The following CNTN3 variants were observed in gnomAD, a reference collection of about 807,000 sequenced individuals.
CNTN3 encodes contactin 3, also known as contactin-3.
CNTN3 carries 60 observed loss-of-function variants against 119.1 expected under a neutral mutation model. The observed-to-expected ratio is 0.50, with a 90% CI of 0.41 to 0.62. CNTN3 has a LOEUF of 0.62. Among genes scored for constraint, CNTN3 ranks in the 20% least tolerant of loss-of-function variants. The probability of loss-of-function intolerance (pLI) is 0.00; values close to 1 mark genes in which losing one functional copy is unlikely to be tolerated. For missense variants in CNTN3, 1,101 were observed against 1,242.4 expected (o/e 0.89, Z 1.71); for synonymous variants, 450 against 438.7 (o/e 1.03, Z -0.32).
chr3:74,579,754 G>A (rs1304818094), intron 1 of CNTN3, among the ~76,000 whole-genome samples: 2 of 152,070 alleles, frequency 1.3e-5, no homozygotes, highest in East Asian at 3.9e-4. Context: ...TGTATTTGCA[G>A]TGGAAGCGTT....
intron 4 of CNTN3, among the ~76,000 whole-genome samples, chr3:74,467,423 A>G (rs1326479011): frequency 2.6e-5 from 4 of 152,162 alleles, no homozygotes; most frequent in Non-Finnish European, 5.9e-5. Context: ...ACAGGGTTTC[A>G]GGTATGGTTT....
At chr3:74,468,202 C>T (rs1702498361) in intron 4 of CNTN3, among the ~76,000 whole-genome samples, 1 of 152,076 alleles carries the variant, frequency 6.6e-6, no homozygotes, top group Admixed American at 6.6e-5. Context: ...CCCTTTGATC[C>T]CTGCAATGAT....
chr3:74,446,986 A>C (rs539606353), intron 4 of CNTN3, among the ~76,000 whole-genome samples: 1 of 152,170 alleles, frequency 6.6e-6, no homozygotes, highest in Non-Finnish European at 1.5e-5. Flanking sequence ...AGTTTCAAAG[A>C]CGTTTTTCTT....
In CNTN3 at chr3:74,539,513, A is replaced by G. The variant is rs756858659; in HGVS notation, c.-80-18321T>C. Among the ~76,000 whole-genome samples, 202 of 152,182 alleles carry G rather than the reference A, an allele frequency of 1.3e-3. 1 individual carries two copies. The highest frequency in any genetic ancestry group is 5.1e-4 in the Non-Finnish European group (35 of 67,994). ...TACTCCAGTGGAATCTTAGAATTTG[A>G]GCTGCTATGTTTCCACCTCCTGAAA... On this transcript the variant is annotated intron_variant, in intron 1 of 22. Coordinates refer to ENST00000263665, the MANE Select transcript of CNTN3 (RefSeq NM_020872.3).
chr3:74,277,945 A>T (rs1035345935), intron 20 of CNTN3, among the ~76,000 whole-genome samples: 2 of 152,140 alleles, frequency 1.3e-5, no homozygotes, highest in Non-Finnish European at 2.9e-5. Context: ...AGGTACACAA[A>T]TCAGTAGCTC....
chr3:74,275,495 C>T (rs1232216786), intron 20 of CNTN3, among the ~76,000 whole-genome samples: 2 of 152,226 alleles, frequency 1.3e-5, no homozygotes, highest in Admixed American at 6.5e-5. Context: ...GCCCAATCTT[C>T]AGCCTCCTCA....
chr3:74,490,165 C>T (rs956215645), intron 3 of CNTN3, among the ~76,000 whole-genome samples: 3 of 152,172 alleles, frequency 2.0e-5, no homozygotes, highest in Non-Finnish European at 2.9e-5. Context: ...TTAAAGAATA[C>T]ATCTGACAGT....
intron 13 of CNTN3, among the ~76,000 whole-genome samples, chr3:74,311,751 C>G (rs1702689483): frequency 6.6e-6 from 1 of 152,156 alleles, no homozygotes; most frequent in African/African-American, 2.4e-5. Flanking sequence ...TCACTCTCTC[C>G]TAACAACAAA....
intron 5 of CNTN3, among the ~76,000 whole-genome samples, chr3:74,405,066 CT>C (rs1343234634): frequency 9.9e-5 from 15 of 152,128 alleles, no homozygotes; most frequent in Admixed American, 3.3e-4. Context: ...CATTATGTCT[CT>C]TAGATTTATA....
chr3:74,332,731 C>T (rs1703294961), intron 13 of CNTN3, among the ~76,000 whole-genome samples: 1 of 152,172 alleles, frequency 6.6e-6, no homozygotes. Context: ...CTATTATCAA[C>T]AGCTCACAAT....
intron 1 of CNTN3, among the ~76,000 whole-genome samples, chr3:74,609,319 C>G (rs566898903): frequency 1.4e-4 from 22 of 152,294 alleles, no homozygotes; most frequent in South Asian, 8.3e-4. Flanking sequence ...TAGATTGGAA[C>G]AAGAAAGAGA....
intron 5 of CNTN3, among the ~76,000 whole-genome samples, chr3:74,415,677 A>G (rs1487871035): frequency 6.6e-6 from 1 of 152,158 alleles, no homozygotes; most frequent in Non-Finnish European, 1.5e-5. Flanking sequence ...ATAGAACCCA[A>G]GGGCTAGAAA....
intron 13 of CNTN3, among the ~76,000 whole-genome samples, chr3:74,334,342 C>T (rs963098850): frequency 6.6e-6 from 1 of 152,154 alleles, no homozygotes; most frequent in Non-Finnish European, 1.5e-5. Flanking sequence ...CCTGGCCTGA[C>T]ACATTAATTG....
At chr3:74,473,889 G>A (rs974101657) in intron 4 of CNTN3, among the ~76,000 whole-genome samples, 27 of 152,240 alleles carry the variant, frequency 1.8e-4, no homozygotes, top group African/African-American at 5.8e-4. Context: ...GATCACATAC[G>A]GGAACCAGGA....
chr3:74,276,812 T>C (rs1451241897), intron 20 of CNTN3, among the ~76,000 whole-genome samples: 1 of 151,294 alleles, frequency 6.6e-6, no homozygotes, highest in South Asian at 2.1e-4. Context: ...ATTTAAACAA[T>C]AGAAAAATAC....
chr3:74,326,359 A>G (rs972161251), intron 13 of CNTN3, among the ~76,000 whole-genome samples: 3 of 152,202 alleles, frequency 2.0e-5, no homozygotes, highest in Non-Finnish European at 1.5e-5. Flanking sequence ...TATTAATTGT[A>G]CATATTTATG....
At chr3:74,545,822 A>G in intron 1 of CNTN3, among the ~76,000 whole-genome samples, 1 of 152,170 alleles carries the variant, frequency 6.6e-6, no homozygotes, top group Non-Finnish European at 1.5e-5. Context: ...GATTTCTATC[A>G]CAATGTCAAT....
intron 1 of CNTN3, among the ~76,000 whole-genome samples, chr3:74,579,895 A>C (rs556551354): frequency 1.3e-5 from 2 of 152,278 alleles, no homozygotes; most frequent in Non-Finnish European, 2.9e-5. Context: ...TAACAAACAA[A>C]ACATTTTAAA....
chr3:74,520,236 T>TTA (rs1429728369), intron 2 of CNTN3, among the ~76,000 whole-genome samples: 2 of 142,320 alleles, frequency 1.4e-5, no homozygotes, highest in African/African-American at 5.1e-5. Flanking sequence ...AGTAGACAGA[T>TTA]AAAAAAAAAA....
Sources: allele counts gnomAD v4.1 joint callset (sites outside exome capture counted in the v4.1 genomes callset), GRCh38; gene constraint gnomAD v4.1.1; transcripts MANE v1.5; gene names NCBI Gene and HGNC (gene_info 2026-07-23, HGNC 2026-07-21).